EIF3H: variants seen among roughly 807,000 people sequenced by gnomAD.
The protein encoded by EIF3H is eIF-3-gamma.
Under a neutral mutation model 44.2 loss-of-function variants are expected in EIF3H, and 26 were observed. That is an observed-to-expected ratio of 0.59 (90% confidence interval 0.43 to 0.82). The LOEUF (loss-of-function observed/expected upper bound fraction) is 0.82, where lower values mean the gene tolerates loss of function less well. Ranked by LOEUF, EIF3H falls within the 40% of genes least tolerant of loss-of-function variation. The probability of loss-of-function intolerance (pLI) is 0.00; values close to 1 mark genes in which losing one functional copy is unlikely to be tolerated. For synonymous variants in EIF3H, 166 were observed against 151.9 expected (o/e 1.09, Z -0.68); for missense variants, 359 against 432.8 (o/e 0.83, Z 1.51).
chr8:116,652,379 G>A (rs1230067154), intron 5 of EIF3H, among the ~76,000 whole-genome samples: 1 of 152,170 alleles, frequency 6.6e-6, no homozygotes, highest in Non-Finnish European at 1.5e-5. Flanking sequence ...ATTCTATCGA[G>A]AAGTTTGATT....
upstream of EIF3H, among the ~76,000 whole-genome samples, chr8:116,756,176 C>T (rs573312497): frequency 1.2e-3 from 186 of 152,276 alleles, 1 homozygote; most frequent in African/African-American, 4.3e-3. Flanking sequence ...TCGCATTATG[C>T]ATATTAGAAA....
chr8:116,722,664 A>C (rs1439409760), intron 2 of EIF3H, among the ~76,000 whole-genome samples: 1 of 152,182 alleles, frequency 6.6e-6, no homozygotes, highest in Admixed American at 6.5e-5. Flanking sequence ...TCTCTAACCC[A>C]AGTGAAGAAG....
chr8:116,724,192 G>T (rs1272531804), intron 2 of EIF3H, among the ~76,000 whole-genome samples: 1 of 152,130 alleles, frequency 6.6e-6, no homozygotes, highest in Non-Finnish European at 1.5e-5. Flanking sequence ...TGCCAAGATG[G>T]GACCCTCAAT....
intron 2 of EIF3H, among the ~76,000 whole-genome samples, chr8:116,720,865 G>C (rs1245143571): frequency 6.6e-6 from 1 of 152,120 alleles, no homozygotes; most frequent in African/African-American, 2.4e-5. Flanking sequence ...TTTCTAAGCA[G>C]CACAGCATTC....
At chr8:116,689,630 AT>A (rs1814139227) in intron 2 of EIF3H, among the ~76,000 whole-genome samples, 1 of 152,212 alleles carries the variant, frequency 6.6e-6, no homozygotes, top group African/African-American at 2.4e-5. Flanking sequence ...ACAATTGACT[AT>A]TTTTAAGAAC....
At chr8:116,740,840 G>C (rs1478936102) in intron 1 of EIF3H, among the ~76,000 whole-genome samples, 1 of 152,068 alleles carries the variant, frequency 6.6e-6, no homozygotes, top group Non-Finnish European at 1.5e-5. Flanking sequence ...AACAAAGTTT[G>C]AGTGCCAGCC....
At chr8:116,662,808 T>C (rs1357678396) in intron 2 of EIF3H, among the ~76,000 whole-genome samples, 1 of 152,232 alleles carries the variant, frequency 6.6e-6, no homozygotes, top group Non-Finnish European at 1.5e-5. Flanking sequence ...ATTTACCCCT[T>C]TGGCCTATGG....
intron 2 of EIF3H, among the ~76,000 whole-genome samples, chr8:116,720,044 C>T (rs945408311): frequency 6.6e-6 from 1 of 152,066 alleles, no homozygotes; most frequent in South Asian, 2.1e-4. Flanking sequence ...TTATTTATGT[C>T]ACTAAACATC....
intron 2 of EIF3H, among the ~76,000 whole-genome samples, chr8:116,702,982 T>C (rs1354893631): frequency 6.6e-6 from 1 of 152,130 alleles, no homozygotes; most frequent in Non-Finnish European, 1.5e-5. Flanking sequence ...ATCCCTCACA[T>C]GCGCAGCTCA....
intron 6 of EIF3H, among the ~76,000 whole-genome samples, chr8:116,646,889 A>C (rs1205415271): frequency 6.6e-6 from 1 of 152,222 alleles, no homozygotes; most frequent in Non-Finnish European, 1.5e-5. Context: ...AAAGGGAAAG[A>C]AGCTCATGAC....
intron 1 of EIF3H, among the ~76,000 whole-genome samples, chr8:116,762,897 T>C (rs758357311): frequency 6.6e-6 from 1 of 152,160 alleles, no homozygotes; most frequent in Non-Finnish European, 1.5e-5. Context: ...TGAGCCAAGA[T>C]TGTGCCACTG....
chr8:116,736,426 C>T (rs1815041420), intron 1 of EIF3H, among the ~76,000 whole-genome samples: 1 of 152,226 alleles, frequency 6.6e-6, no homozygotes, highest in Admixed American at 6.5e-5. Flanking sequence ...CTTCAGGAGG[C>T]TGAGGCCAGC....
At chr8:116,714,011 T>C (rs1433932833) in intron 2 of EIF3H, among the ~76,000 whole-genome samples, 1 of 152,100 alleles carries the variant, frequency 6.6e-6, no homozygotes, top group Non-Finnish European at 1.5e-5. Context: ...ACTAACATCA[T>C]TATCAGGAGA....
At chr8:116,672,931 T>G (rs963709172) in intron 2 of EIF3H, among the ~76,000 whole-genome samples, 3 of 150,838 alleles carry the variant, frequency 2.0e-5, no homozygotes, top group Admixed American at 6.6e-5. Flanking sequence ...CATATGGCAC[T>G]CATGAAATCC....
chr8:116,659,551 T>C (rs1280089573), intron 2 of EIF3H, among the ~76,000 whole-genome samples: 1 of 152,160 alleles, frequency 6.6e-6, no homozygotes, highest in Non-Finnish European at 1.5e-5. Flanking sequence ...CCCTGCTGCA[T>C]ATGCTAAATT....
chr8:116,670,146 C>T (rs375508109), intron 2 of EIF3H, among the ~76,000 whole-genome samples: 5 of 152,146 alleles, frequency 3.3e-5, no homozygotes, highest in African/African-American at 1.2e-4. Context: ...CATATGCATA[C>T]GCACTACTAT....
At chr8:116,763,347 C>T (rs866592203) in intron 1 of EIF3H, among the ~76,000 whole-genome samples, 2 of 152,174 alleles carry the variant, frequency 1.3e-5, no homozygotes, top group African/African-American at 2.4e-5. Flanking sequence ...ATACATAATA[C>T]ATCATCAAAG....
In EIF3H at chr8:116,645,106, G is replaced by A. The variant is rs752898286; in HGVS notation, c.962-3C>T. On this transcript the variant is annotated splice_region_variant and splice_polypyrimidine_tract_variant and intron_variant, in intron 7 of 7. Transcript: ENST00000521861. Reference sequence around the variant, plus strand: ...CTGGCAGTAAGTGTTTATCTGGCCTGTGCATTTGAGAAAGAGATAGAGCCA... The same window carrying A: ...CTGGCAGTAAGTGTTTATCTGGCCTATGCATTTGAGAAAGAGATAGAGCCA... The A allele has an allele frequency of 8.7e-6, 14 of 1,611,470 alleles. No individual in the cohort carries two copies. The South Asian group carries it at 1.5e-4, about 18-fold the overall frequency.
chr8:116,658,801 C>T lies in EIF3H; in HGVS notation c.457+12G>A. Reference sequence around the variant, plus strand: ...TATTAAGGGAAAAAAGAATAATAAACCTCCTACTAACCATAAATGAGAACG... The same window carrying T: ...TATTAAGGGAAAAAAGAATAATAAATCTCCTACTAACCATAAATGAGAACG... On this transcript the variant is annotated intron_variant, in intron 3 of 7. Transcript: ENST00000521861. The T allele has an allele frequency of 1.2e-6, 2 of 1,602,672 alleles. No individual in the cohort carries two copies. Among genetic ancestry groups the T allele is most frequent in the Middle Eastern group, 1.7e-4 (1 of 5,978 alleles).
Sources: allele counts gnomAD v4.1 joint callset (sites outside exome capture counted in the v4.1 genomes callset), GRCh38; gene constraint gnomAD v4.1.1; transcripts MANE v1.5; gene names NCBI Gene and HGNC (gene_info 2026-07-23, HGNC 2026-07-21).